Variants in PPP2R3B observed in about 807,000 individuals in gnomAD.
PPP2R3B encodes the protein protein phosphatase 2 regulatory subunit B''beta, also known as serine/threonine-protein phosphatase 2A regulatory subunit B'' subunit beta.
A neutral mutation model predicts 72.9 loss-of-function variants in PPP2R3B; 68 were observed. The ratio of observed to expected loss-of-function variants is 0.93; its 90% CI spans 0.77 to 1.14. The LOEUF is 1.14. Ranked by LOEUF, PPP2R3B falls within the 50% of genes most tolerant of loss-of-function variation. PPP2R3B has a pLI of 0.00. For synonymous variants in PPP2R3B, 466 were observed against 375.8 expected (o/e 1.24, Z -2.78); for missense variants, 1,018 against 842.0 (o/e 1.21, Z -2.59).
At chrX:357,347 A>G (rs2071458248) in intron 2 of PPP2R3B, among the ~76,000 whole-genome samples, 1 of 152,374 alleles carries the variant, frequency 6.6e-6, no homozygotes, top group East Asian at 1.9e-4. Context: ...GTGTAATTAT[A>G]TGACAATACA....
rs777327283 is a variant in PPP2R3B, at chrX:341,409, C to T, written c.1086-13G>A. On this transcript the variant is annotated splice_polypyrimidine_tract_variant and intron_variant, in intron 8 of 12. Transcript: ENST00000390665. Reference sequence around the variant, plus strand: ...CACTTTTCTGCCTCTAGATCGAAAGCCAGGATGGAGAGACGAAGATGCATG... The same window carrying T: ...CACTTTTCTGCCTCTAGATCGAAAGTCAGGATGGAGAGACGAAGATGCATG... 5.6e-6 allele frequency: 9 copies of T among 1,611,764 alleles called. No homozygotes were observed. Among genetic ancestry groups the T allele is most frequent in the Non-Finnish European group, 4.2e-6 (5 of 1,179,094 alleles).
intron 2 of PPP2R3B, among the ~76,000 whole-genome samples, chrX:348,564 A>G (rs2071270196): frequency 8.4e-6 from 1 of 118,910 alleles, no homozygotes; most frequent in Non-Finnish European, 1.8e-5. Flanking sequence ...TGACAGAGAG[A>G]GACTCTGTCT....
At chrX:344,376 T>G (rs28409122) in intron 7 of PPP2R3B, among the ~76,000 whole-genome samples, 1 of 149,508 alleles carries the variant, frequency 6.7e-6, no homozygotes. Context: ...GCCGTCAGCT[T>G]GGGCCACGAG....
intron 10 of PPP2R3B, among the ~76,000 whole-genome samples, 183 bp from the exon 11 acceptor site, chrX:339,079 G>A (rs1434962189): frequency 3.3e-5 from 5 of 152,118 alleles, no homozygotes; most frequent in Non-Finnish European, 7.4e-5. Context: ...GGGGACTGAG[G>A]CGTGGGAGGC....
Position 340,795 on chromosome X carries a change from T to G in PPP2R3B, c.1321A>C (p.Met441Leu), listed in dbSNP as rs1413673658. 2.5e-6 allele frequency: 4 copies of G among 1,603,496 alleles called. No individual in the cohort carries two copies. Among genetic ancestry groups the G allele is most frequent in the Admixed American group, 1.7e-5 (1 of 59,258 alleles). Residue 441 changes from methionine (M) to leucine (L), a missense_variant, in exon 10 of 13, where the codon ATG becomes CTG. Coordinates refer to ENST00000390665, the MANE Select transcript of PPP2R3B (RefSeq NM_013239.5). ...GTCCTCGGCTTGACCAGGTCCAGCA[T>G]CTGGCAGAGGCAGTCCTGGAAGGGC... is the stretch of plus-strand genomic sequence containing the variant. ...ALPFQDCLCQ[M>L]LDLVKPRTEG...
chrX:379,378 CTGTGTATGCACCTATG>C (rs912210559), intron 1 of PPP2R3B, among the ~76,000 whole-genome samples: 70 of 147,448 alleles, frequency 4.7e-4, no homozygotes, highest in Middle Eastern at 8.1e-3. Context: ...GTGTATGTAC[CTGTGTATGCACCTATG>C]TGTGTATGCA....
intron 7 of PPP2R3B, among the ~76,000 whole-genome samples, chrX:344,586 G>C (rs1384636686): frequency 6.6e-6 from 1 of 152,260 alleles, no homozygotes; most frequent in Non-Finnish European, 1.5e-5. Flanking sequence ...GGGGTTCACA[G>C]GGACAGTGAG....
In PPP2R3B at chrX:354,059, C is replaced by CA. The variant is rs1244186566; in HGVS notation, c.511-6367_511-6366insT. Among the ~76,000 whole-genome samples, 5 of 137,030 alleles carry CA rather than the reference C, an allele frequency of 3.6e-5. 1 individual carries two copies. Among genetic ancestry groups the CA allele is most frequent in the South Asian group, 2.3e-4 (1 of 4,314 alleles). The allele number at this position is 137,030 out of a possible 152,430, so 89.9% of individuals were successfully genotyped here. On this transcript the variant is annotated intron_variant, in intron 2 of 12. Coordinates refer to ENST00000390665, the MANE Select transcript of PPP2R3B (RefSeq NM_013239.5). ...AGGGACCAGGGGCTCACCCAAAGAC[C>CA]GGGGCTCGCCCAAAGACCGGGGCTC...
At chrX:372,690 G>GCCA (rs2071892116) in intron 1 of PPP2R3B, among the ~76,000 whole-genome samples, 1 of 152,208 alleles carries the variant, frequency 6.6e-6, no homozygotes, top group Non-Finnish European at 1.5e-5. Flanking sequence ...CTGGGGTGGA[G>GCCA]GCTCACGCCC....
chrX:364,183 C>T (rs1020770876), intron 1 of PPP2R3B, among the ~76,000 whole-genome samples: 20 of 152,228 alleles, frequency 1.3e-4, no homozygotes, highest in South Asian at 2.1e-4. Context: ...TCCCAGAACG[C>T]GTCACCTTCA....
intron 1 of PPP2R3B, among the ~76,000 whole-genome samples, chrX:364,612 G>A (rs142036509): frequency 0.11 from 13,972 of 130,658 alleles, 1,352 homozygotes; most frequent in East Asian, 0.34. Context: ...CAGCTACTCG[G>A]GAGGCTGAGG....
chrX:337,766 G>A (rs34074716), intron 12 of PPP2R3B: 60,870 of 152,198 alleles, frequency 0.4, 13,374 homozygotes, highest in South Asian at 0.51. Flanking sequence ...GGAAGGTTCC[G>A]GAACGGAGCC....
chrX:342,103 A>G (rs2071092642), intron 7 of PPP2R3B, 172 bp from the exon 8 acceptor site: 4 of 724,368 alleles, frequency 5.5e-6, no homozygotes, highest in Admixed American at 2.3e-5. Context: ...GGGGCCCACC[A>G]CGCTTTCCCG....
Position 345,629 on chromosome X carries a change from G to C in PPP2R3B, c.923C>G (p.Thr308Ser). The C allele has an allele frequency of 6.2e-7, 1 of 1,613,176 alleles. No individual in the cohort carries two copies. Among genetic ancestry groups the C allele is most frequent in the Non-Finnish European group, 8.5e-7 (1 of 1,179,552 alleles). ...GAAATGCTCGTACGAGAAGAATTCG[G>C]TCAGCTGGTTGATGTCCGCCTCCTC... ...LEEEADINQLTEFFSYEHFYV... is the reference protein window; with the variant it reads ...LEEEADINQLSEFFSYEHFYV... Residue 308 changes from threonine (T) to serine (S), a missense_variant, in exon 7 of 13, where the codon ACC becomes AGC. Thr to Ser is a moderately conservative substitution (Grantham distance 58, BLOSUM62 1). Transcript: ENST00000390665.
chrX:345,416 C>CGGGGAG, intron 7 of PPP2R3B, 100 bp downstream of exon 7: 2 of 1,462,652 alleles, frequency 1.4e-6, no homozygotes, highest in East Asian at 2.4e-5. Context: ...AGACACAGAG[C>CGGGGAG]TGGGAGTGCG....
intron 1 of PPP2R3B, among the ~76,000 whole-genome samples, chrX:372,057 T>C (rs2071877832): frequency 1.3e-5 from 2 of 152,192 alleles, no homozygotes; most frequent in Admixed American, 1.3e-4. Context: ...ACTGCAGGGC[T>C]GAAGGGCTTC....
Position 386,348 on chromosome X carries a change from CA to C in PPP2R3B, c.324+19del, listed in dbSNP as rs765405199. The C allele has an allele frequency of 7.6e-7, 1 of 1,308,654 alleles. No individual in the cohort carries two copies. The highest frequency in any genetic ancestry group is 3.1e-5 in the Admixed American group (1 of 32,520). The allele number at this position is 1,308,654 out of a possible 1,614,324, so 81.1% of individuals were successfully genotyped here. ...CCAGAGCCACCTGCGCAGTTGTTAG[CA>C]GAAGGAAGAGTAACTTACTACTCTC... On this transcript the variant is annotated intron_variant, in intron 1 of 12. Transcript: ENST00000390665.
chrX:353,875 A>ACCCAAAGACCGG (rs2071381463), intron 2 of PPP2R3B, among the ~76,000 whole-genome samples: 1 of 75,962 alleles, frequency 1.3e-5, no homozygotes, highest in Non-Finnish European at 2.5e-5. Context: ...CCCAAAGACC[A>ACCCAAAGACCGG]GGGCTCACCC....
At chrX:349,338 G>A (rs2071282825) in intron 2 of PPP2R3B, among the ~76,000 whole-genome samples, 1 of 152,018 alleles carries the variant, frequency 6.6e-6, no homozygotes, top group South Asian at 2.1e-4. Context: ...AACAGTAAAT[G>A]TCTTGCTGGT....
Sources: gnomAD v4.1 joint callset for allele counts (sites outside exome capture counted in the v4.1 genomes callset) on GRCh38, gnomAD v4.1.1 for gene constraint, MANE v1.5 for transcripts, NCBI Gene and HGNC (gene_info 2026-07-23, HGNC 2026-07-21) for gene names.